The following PAX5 variants were observed in gnomAD, a reference collection of about 807,000 sequenced individuals.
The protein encoded by PAX5 is paired box protein Pax-5.
A neutral mutation model predicts 43.7 loss-of-function variants in PAX5; 9 were observed. The ratio of observed to expected loss-of-function variants is 0.21; its 90% confidence interval spans 0.12 to 0.36. The LOEUF (loss-of-function observed/expected upper bound fraction) is 0.36, where lower values mean the gene tolerates loss of function less well. PAX5 is among the 10% of genes least tolerant of loss of function. The probability of loss-of-function intolerance (pLI) is 1.00; values close to 1 mark genes in which losing one functional copy is unlikely to be tolerated. For synonymous variants in PAX5, 228 were observed against 214.3 expected (o/e 1.06, Z -0.56); for missense variants, 383 against 532.7 (o/e 0.72, Z 2.77).
At chr9:36,974,789 A>G (rs1835278698) in intron 5 of PAX5, among the ~76,000 whole-genome samples, 1 of 152,160 alleles carries the variant, frequency 6.6e-6, no homozygotes, top group African/African-American at 2.4e-5. Context: ...TTTCATCAAG[A>G]AAACCCTTCC....
intron 9 of PAX5, among the ~76,000 whole-genome samples, chr9:36,841,233 T>C (rs1822017712): frequency 6.6e-6 from 1 of 152,250 alleles, no homozygotes; most frequent in East Asian, 1.9e-4. Context: ...AGCTGTCTCA[T>C]ACATACACAA....
At position 37,000,749 on chromosome 9, in the gene PAX5, T is replaced by C. The variant is rs1837778790; in HGVS notation, c.604+1899A>G. On this transcript the variant is annotated intron_variant, in intron 5 of 9. Transcript: ENST00000358127. ...TTACCTCCCGAGGCATCTCCTTTTA[T>C]CCTAGGCCACTCTCATATGTGCAAC... 2.6e-5 allele frequency among the ~76,000 whole-genome samples: 4 copies of C among 152,230 alleles called. No homozygotes were observed. In the South Asian group the frequency reaches 8.3e-4, roughly 32 times the overall value.
chr9:36,943,568 A>ACACACACACC (rs1832245822), intron 6 of PAX5, among the ~76,000 whole-genome samples: 4 of 151,176 alleles, frequency 2.6e-5, no homozygotes, highest in Non-Finnish European at 5.9e-5. Context: ...ACACACACAC[A>ACACACACACC]GCTACATATT....
At chr9:37,021,165 A>G (rs1369442635) in intron 1 of PAX5, among the ~76,000 whole-genome samples, 2 of 152,236 alleles carry the variant, frequency 1.3e-5, no homozygotes, top group East Asian at 3.8e-4. Flanking sequence ...TGGGGAGAAA[A>G]TATGCATTAA....
chr9:36,880,175 G>A (rs1371448553), intron 8 of PAX5, among the ~76,000 whole-genome samples: 1 of 152,266 alleles, frequency 6.6e-6, no homozygotes. Flanking sequence ...CCAGGATGTG[G>A]CCATAGGGGA....
At chr9:36,888,407 G>A (rs1263922664) in intron 7 of PAX5, among the ~76,000 whole-genome samples, 2 of 152,172 alleles carry the variant, frequency 1.3e-5, no homozygotes, top group Non-Finnish European at 2.9e-5. Flanking sequence ...AATGTAGTAT[G>A]TCCATACAAT....
chr9:36,851,079 C>T (rs572783750), intron 8 of PAX5, among the ~76,000 whole-genome samples: 3 of 152,294 alleles, frequency 2.0e-5, no homozygotes, highest in South Asian at 2.1e-4. Flanking sequence ...CTTGGGCAAG[C>T]GATTGAACCT....
chr9:36,979,122 A>G (rs543370747), intron 5 of PAX5, among the ~76,000 whole-genome samples: 51 of 152,294 alleles, frequency 3.3e-4, no homozygotes, highest in African/African-American at 1.2e-3. Context: ...TTGCTTCTTC[A>G]TTTCAGAGCT....
intron 7 of PAX5, among the ~76,000 whole-genome samples, chr9:36,896,559 G>A (rs1827888565): frequency 6.6e-6 from 1 of 152,154 alleles, no homozygotes; most frequent in Non-Finnish European, 1.5e-5. Flanking sequence ...GGCTACCAAA[G>A]TGCCAGCCCA....
At chr9:36,944,903 G>T (rs1446303864) in intron 6 of PAX5, among the ~76,000 whole-genome samples, 1 of 152,252 alleles carries the variant, frequency 6.6e-6, no homozygotes, top group African/African-American at 2.4e-5. Context: ...GCTGCTCTGT[G>T]CCTATGGTTA....
At chr9:36,864,184 C>T (rs921988349) in intron 8 of PAX5, 1 of 154,390 alleles carries the variant, frequency 6.5e-6, no homozygotes, top group Non-Finnish European at 1.5e-5. Context: ...TCACAGGAGC[C>T]CTGGGAAAAA....
chr9:37,019,040 C>T (rs1473170880), intron 2 of PAX5, among the ~76,000 whole-genome samples: 1 of 152,182 alleles, frequency 6.6e-6, no homozygotes, highest in African/African-American at 2.4e-5. Flanking sequence ...CCCTCTCTCT[C>T]GGTACAATGA....
Position 37,005,274 on chromosome 9 carries a change from C to A in PAX5, c.475+1199G>T, listed in dbSNP as rs76950597. Among the ~76,000 whole-genome samples the A allele has an allele frequency of 2.6e-3, 397 of 152,340 alleles. 1 individual carries two copies. The highest frequency in any genetic ancestry group is 9.1e-3 in the African/African-American group (377 of 41,568). ...CTTGCAAACTTCTCTTCATTATATT[C>A]CCCCTTTACCTTGAGAATGGGGATT... On this transcript the variant is annotated intron_variant, in intron 4 of 9. Coordinates refer to ENST00000358127, the MANE Select transcript of PAX5 (RefSeq NM_016734.3).
intron 6 of PAX5, among the ~76,000 whole-genome samples, chr9:36,943,489 T>A (rs932878218): frequency 1.3e-5 from 2 of 149,726 alleles, no homozygotes; most frequent in African/African-American, 4.9e-5. Context: ...ACTTCAGCTC[T>A]CCTAAAGATA....
intron 5 of PAX5, among the ~76,000 whole-genome samples, chr9:36,993,892 C>A (rs1326309760): frequency 6.6e-6 from 1 of 152,192 alleles, no homozygotes; most frequent in Non-Finnish European, 1.5e-5. Context: ...ACCCCCAGGG[C>A]TCTCCCGAAC....
chr9:36,954,170 T>G (rs1833250880), intron 6 of PAX5, among the ~76,000 whole-genome samples: 1 of 152,216 alleles, frequency 6.6e-6, no homozygotes, highest in African/African-American at 2.4e-5. Flanking sequence ...TTGCCTAATA[T>G]TTTGTTGAAA....
At chr9:36,877,535 C>T (rs1041171976) in intron 8 of PAX5, among the ~76,000 whole-genome samples, 1 of 152,156 alleles carries the variant, frequency 6.6e-6, no homozygotes, top group African/African-American at 2.4e-5. Flanking sequence ...CTCAGAGAGA[C>T]AAAAGCAAGA....
At chr9:36,873,688 C>T (rs934122101) in intron 8 of PAX5, among the ~76,000 whole-genome samples, 14 of 152,342 alleles carry the variant, frequency 9.2e-5, no homozygotes, top group Admixed American at 6.5e-4. Flanking sequence ...CACGGAGGTG[C>T]CTGGAGAGCA....
At chr9:36,934,290 G>C (rs960077543) in intron 6 of PAX5, among the ~76,000 whole-genome samples, 2 of 152,236 alleles carry the variant, frequency 1.3e-5, no homozygotes, top group Non-Finnish European at 2.9e-5. Flanking sequence ...ATAAAGCCCT[G>C]GAGGGCAGGC....
Sources: gnomAD v4.1 joint callset for allele counts (sites outside exome capture counted in the v4.1 genomes callset) on GRCh38, gnomAD v4.1.1 for gene constraint, MANE v1.5 for transcripts, NCBI Gene and HGNC (gene_info 2026-07-23, HGNC 2026-07-21) for gene names.